The following HDDC2 variants were observed in gnomAD, a reference collection of about 807,000 sequenced individuals.
The protein encoded by HDDC2 is 5'-deoxynucleotidase HDDC2.
HDDC2 carries 25 observed loss-of-function variants against 25.5 expected under a neutral mutation model. The observed-to-expected ratio is 0.98, with a 90% confidence interval of 0.72 to 1.37. HDDC2 has a LOEUF of 1.37. HDDC2 is among the 40% of genes most tolerant of loss of function. The probability of loss-of-function intolerance (pLI) is 0.00; values close to 1 mark genes in which losing one functional copy is unlikely to be tolerated. For missense variants in HDDC2, 264 were observed against 253.1 expected (o/e 1.04, Z -0.29); for synonymous variants, 106 against 89.7 (o/e 1.18, Z -1.03).
At chr6:125,295,503 C>T (rs922239889) in intron 3 of HDDC2, among the ~76,000 whole-genome samples, 3 of 152,134 alleles carry the variant, frequency 2.0e-5, no homozygotes, top group African/African-American at 7.2e-5. Flanking sequence ...TTCTCATCTA[C>T]ACAGTGGGGT....
At chr6:125,284,406 T>C (rs951639988) in intron 4 of HDDC2, among the ~76,000 whole-genome samples, 6 of 152,258 alleles carry the variant, frequency 3.9e-5, no homozygotes, top group African/African-American at 1.2e-4. Flanking sequence ...ATTTCTGCAA[T>C]CTATCCATCT....
intron 3 of HDDC2, chr6:125,297,403 T>C (rs188089419): frequency 3.3e-5 from 13 of 393,290 alleles, no homozygotes; most frequent in African/African-American, 2.3e-4. Flanking sequence ...ACATTCCTTA[T>C]ACTATTCCCC....
At chr6:125,289,651 G>A (rs1249903150) in intron 4 of HDDC2, among the ~76,000 whole-genome samples, 1 of 152,112 alleles carries the variant, frequency 6.6e-6, no homozygotes, top group Non-Finnish European at 1.5e-5. Flanking sequence ...CAGGGTTCTG[G>A]GGTCCTTATG....
At chr6:125,293,284 A>C in intron 3 of HDDC2, 1 of 266,498 alleles carries the variant, frequency 3.8e-6, no homozygotes. Context: ...ATGAGAGTTC[A>C]AAACAAACCT....
At position 125,275,998 on chromosome 6, in the gene HDDC2, T is replaced by C. The variant is rs1302040707; in HGVS notation, c.*148A>G. 4.6e-6 allele frequency: 3 copies of C among 645,204 alleles called. No individual in the cohort carries two copies. The highest frequency in any genetic ancestry group is 3.6e-5 in the African/African-American group (2 of 54,834). 40.0% of individuals were successfully genotyped at this position (645,204 alleles called of 1,614,324 possible). A position where few individuals can be genotyped will look rare whatever the true frequency, so the allele number is the denominator to read the frequency against. ...TCTGTGGCTTCTTTTAGTGCCCAAG[T>C]TGTATCACATTTCTTGCTGAAGTTC... On this transcript the variant is annotated 3_prime_UTR_variant, in exon 6 of 6. Transcript: ENST00000398153.
chr6:125,290,721 G>C (rs1451666543), intron 4 of HDDC2, among the ~76,000 whole-genome samples: 1 of 152,200 alleles, frequency 6.6e-6, no homozygotes, highest in African/African-American at 2.4e-5. Flanking sequence ...AAGCTAGAAA[G>C]AGGCAAGGAA....
chr6:125,296,135 AG>A (rs1344475259), intron 3 of HDDC2, among the ~76,000 whole-genome samples: 2 of 152,200 alleles, frequency 1.3e-5, no homozygotes, highest in East Asian at 3.8e-4. Flanking sequence ...TTAAAAAAAA[AG>A]ATACAAATAA....
At chr6:125,279,498 C>G (rs1384860723) in intron 4 of HDDC2, 1 of 151,962 alleles carries the variant, frequency 6.6e-6, no homozygotes, top group Non-Finnish European at 1.5e-5. Context: ...ACAACAAAAG[C>G]AGAAGCAGCT....
intron 4 of HDDC2, among the ~76,000 whole-genome samples, chr6:125,280,869 A>T (rs1022170168): frequency 5.9e-5 from 9 of 152,230 alleles, no homozygotes; most frequent in African/African-American, 2.2e-4. Flanking sequence ...AGCTCTGCTA[A>T]GGGACAGACT....
At chr6:125,281,605 A>G (rs1798458091) in intron 4 of HDDC2, among the ~76,000 whole-genome samples, 1 of 152,196 alleles carries the variant, frequency 6.6e-6, no homozygotes, top group South Asian at 2.1e-4. Flanking sequence ...AAGAAAGCAT[A>G]CCAGAGACTG....
At chr6:125,301,610 G>A (rs979992687) in intron 1 of HDDC2, among the ~76,000 whole-genome samples, 1 of 152,134 alleles carries the variant, frequency 6.6e-6, no homozygotes, top group African/African-American at 2.4e-5. Flanking sequence ...CGCGGCGCCA[G>A]GCTCTAGGCT....
chr6:125,282,876 A>T (rs1346778585), intron 4 of HDDC2, among the ~76,000 whole-genome samples: 2 of 152,234 alleles, frequency 1.3e-5, no homozygotes, highest in Admixed American at 1.3e-4. Context: ...GTCTCTGATA[A>T]AACAGACTTT....
chr6:125,291,140 T>G (rs1798625873), intron 4 of HDDC2, among the ~76,000 whole-genome samples: 1 of 152,186 alleles, frequency 6.6e-6, no homozygotes, highest in Non-Finnish European at 1.5e-5. Flanking sequence ...CTAACTCCAC[T>G]CCATTATTTC....
intron 3 of HDDC2, among the ~76,000 whole-genome samples, chr6:125,293,968 G>A (rs1798667302): frequency 1.3e-5 from 2 of 152,170 alleles, no homozygotes; most frequent in South Asian, 4.1e-4. Context: ...TAGGCTTTCT[G>A]TACTTTCTGG....
chr6:125,299,032 G>C (rs1798753942), intron 2 of HDDC2, among the ~76,000 whole-genome samples: 1 of 152,144 alleles, frequency 6.6e-6, no homozygotes, highest in Non-Finnish European at 1.5e-5. Flanking sequence ...TGTGAGTATA[G>C]GGGAAATTGT....
chr6:125,296,255 C>A (rs1162108711), intron 3 of HDDC2, among the ~76,000 whole-genome samples: 1 of 152,066 alleles, frequency 6.6e-6, no homozygotes, highest in Non-Finnish European at 1.5e-5. Flanking sequence ...AGGTGATATA[C>A]AAATACGACA....
intron 1 of HDDC2, among the ~76,000 whole-genome samples, chr6:125,300,873 A>C (rs998668937): frequency 6.6e-6 from 1 of 150,438 alleles, no homozygotes; most frequent in Non-Finnish European, 1.5e-5. Flanking sequence ...AGACAGAGAG[A>C]GATAAGTCAC....
rs1219287198 is a variant in HDDC2 at position 125,283,331 on chromosome 6, G to C, written c.379-6091C>G. 2.0e-5 allele frequency among the ~76,000 whole-genome samples: 3 copies of C among 152,208 alleles called. No individual in the cohort carries two copies. In the East Asian group the frequency reaches 5.8e-4, roughly 29 times the overall value. On this transcript the variant is annotated intron_variant, in intron 4 of 5. Coordinates refer to ENST00000398153, the MANE Select transcript of HDDC2 (RefSeq NM_016063.3). ...TTCTGGCCAGGGCAATCAGGCAAGA[G>C]AAAGAAATAAAGAGTATTCAAATAG...
chr6:125,301,442 T>TACACACACACACACACACAC lies in HDDC2; in HGVS notation c.84+387_84+406dup, dbSNP rs3039619. On this transcript the variant is annotated intron_variant, in intron 1 of 5. Coordinates refer to ENST00000398153, the MANE Select transcript of HDDC2 (RefSeq NM_016063.3). The stretch of plus-strand genomic sequence containing the variant: ...CCCGTGCTCAGAAGCAGCCGCGCTT[T>TACACACACACACACACACAC]ACACACACACACACACACACACGAG... Among the ~76,000 whole-genome samples the TACACACACACACACACACAC allele has an allele frequency of 5.5e-3, 802 of 145,160 alleles. 4 individuals are homozygous for TACACACACACACACACACAC. The highest frequency in any genetic ancestry group is 0.022 in the Middle Eastern group (6 of 278).
Sources: allele counts gnomAD v4.1 joint callset (sites outside exome capture counted in the v4.1 genomes callset), GRCh38; gene constraint gnomAD v4.1.1; transcripts MANE v1.5; gene names NCBI Gene and HGNC (gene_info 2026-07-23, HGNC 2026-07-21).